The following KCNJ15 variants were observed in gnomAD, a reference collection of about 807,000 sequenced individuals.
KCNJ15 encodes ATP-sensitive inward rectifier potassium channel 15.
Under a neutral mutation model 23.0 loss-of-function variants are expected in KCNJ15, and 14 were observed. The ratio of observed to expected loss-of-function variants is 0.61; its 90% confidence interval spans 0.40 to 0.95. KCNJ15 has a LOEUF of 0.95. KCNJ15 is among the 40% of genes least tolerant of loss of function. KCNJ15 has a pLI of 0.00. For missense variants in KCNJ15, 388 were observed against 461.8 expected (o/e 0.84, Z 1.46); for synonymous variants, 185 against 183.2 (o/e 1.01, Z -0.08).
upstream of KCNJ15, among the ~76,000 whole-genome samples, chr21:38,256,008 G>C (rs566811084): frequency 6.6e-6 from 1 of 152,190 alleles, no homozygotes; most frequent in African/African-American, 2.4e-5. Context: ...TCTCTCTAGG[G>C]GAAGTGCTTT....
intron 1 of KCNJ15, among the ~76,000 whole-genome samples, chr21:38,276,105 A>G (rs1293391149): frequency 6.6e-6 from 1 of 151,980 alleles, no homozygotes; most frequent in Non-Finnish European, 1.5e-5. Flanking sequence ...AGAAGTGTCC[A>G]TGGGATACTG....
At chr21:38,239,432 T>TG (rs1324342090) in intron 1 of KCNJ15, among the ~76,000 whole-genome samples, 1 of 152,202 alleles carries the variant, frequency 6.6e-6, no homozygotes, top group Non-Finnish European at 1.5e-5. Context: ...TCTGAGCACA[T>TG]GCGTTCTGCG....
intron 1 of KCNJ15, among the ~76,000 whole-genome samples, chr21:38,257,683 G>A (rs1980407279): frequency 6.6e-6 from 1 of 152,244 alleles, no homozygotes; most frequent in South Asian, 2.1e-4. Flanking sequence ...TAAGTTTTCT[G>A]TGGTAGGTGT....
At chr21:38,261,546 G>T (rs1980899047) in intron 1 of KCNJ15, among the ~76,000 whole-genome samples, 1 of 152,186 alleles carries the variant, frequency 6.6e-6, no homozygotes, top group Admixed American at 6.5e-5. Flanking sequence ...CATATCTAGT[G>T]ATCAGTGATA....
chr21:38,267,991 G>C (rs922809348), intron 1 of KCNJ15, among the ~76,000 whole-genome samples: 2 of 152,124 alleles, frequency 1.3e-5, no homozygotes, highest in Non-Finnish European at 2.9e-5. Context: ...CAGCAACTCA[G>C]GCGCCTTCTG....
At chr21:38,272,908 G>A (rs879814096) in intron 1 of KCNJ15, among the ~76,000 whole-genome samples, 1 of 152,134 alleles carries the variant, frequency 6.6e-6, no homozygotes, top group Non-Finnish European at 1.5e-5. Context: ...CATAAACAGA[G>A]GCTTTGGGTA....
chr21:38,285,468 C>T (rs1283883215), intron 1 of KCNJ15: 1 of 152,200 alleles, frequency 6.6e-6, no homozygotes, highest in Non-Finnish European at 1.5e-5. Context: ...CAAAGTCACA[C>T]AGCTGGTGTT....
intron 1 of KCNJ15, among the ~76,000 whole-genome samples, chr21:38,230,332 G>A (rs951133999): frequency 5.9e-5 from 9 of 152,012 alleles, no homozygotes; most frequent in African/African-American, 1.7e-4. Flanking sequence ...TCTTCTTTGG[G>A]TAAATGTCTA....
rs1331179670 is a variant in KCNJ15, at chr21:38,306,066, T to C, written c.*5677T>C. On this transcript the variant is annotated 3_prime_UTR_variant, in exon 3 of 3. Transcript: ENST00000398938. ...GATGGGCTCAAAGTCGCCCTCCACG[T>C]GGGTGCACAGGAGCCCAGATTCTCA... 2 of 152,186 alleles carry C rather than the reference T, an allele frequency of 1.3e-5. No individual in the cohort carries two copies. Among genetic ancestry groups the C allele is most frequent in the Non-Finnish European group, 2.9e-5 (2 of 68,042 alleles). The allele number at this position is 152,186 out of a possible 1,614,324, so 9.4% of individuals were successfully genotyped here.
intron 1 of KCNJ15, among the ~76,000 whole-genome samples, chr21:38,249,709 T>C (rs1979695820): frequency 6.6e-6 from 1 of 152,218 alleles, no homozygotes; most frequent in Non-Finnish European, 1.5e-5. Flanking sequence ...TCTCTAGCTT[T>C]TATTCTTCAG....
At chr21:38,264,718 C>T (rs1014390954) in intron 1 of KCNJ15, among the ~76,000 whole-genome samples, 12 of 152,198 alleles carry the variant, frequency 7.9e-5, no homozygotes, top group African/African-American at 2.9e-4. Flanking sequence ...GTGTTCTCTC[C>T]CTTGGTGAAT....
chr21:38,299,130 T>G lies in KCNJ15; in HGVS notation c.-18-114T>G. On this transcript the variant is annotated intron_variant, in intron 2 of 2. Coordinates refer to ENST00000398938, the MANE Select transcript of KCNJ15 (RefSeq NM_170736.3). This position sits in a 1 kb window ranked among gnomAD's most constrained non-coding sequence, Gnocchi z 4.5. ...GATCAGTTAATCTTGCCTTCAGAAT[T>G]CTCCTTTCTTGTGTACTTCCATGTA... 1.2e-6 allele frequency: 1 copy of G among 828,268 alleles called. No homozygotes were observed. Among genetic ancestry groups the G allele is most frequent in the Non-Finnish European group, 1.9e-6 (1 of 524,180 alleles). The allele number at this position is 828,268 out of a possible 1,614,324, so 51.3% of individuals were successfully genotyped here.
chr21:38,281,682 C>G (rs1022874934), intron 1 of KCNJ15, among the ~76,000 whole-genome samples: 1 of 152,142 alleles, frequency 6.6e-6, no homozygotes, highest in Non-Finnish European at 1.5e-5. Flanking sequence ...TTATGGGCAC[C>G]TGGCTTGATG....
At chr21:38,282,484 G>T (rs1983459265) in intron 1 of KCNJ15, among the ~76,000 whole-genome samples, 1 of 152,152 alleles carries the variant, frequency 6.6e-6, no homozygotes, top group African/African-American at 2.4e-5. Context: ...GAACATTGTG[G>T]CATATTCTTT....
At chr21:38,290,223 G>A (rs558581186) in intron 1 of KCNJ15, among the ~76,000 whole-genome samples, 3 of 152,200 alleles carry the variant, frequency 2.0e-5, no homozygotes, top group Non-Finnish European at 2.9e-5. Context: ...TGTTGGGCCC[G>A]GAATCTGTTT....
chr21:38,294,966 A>T (rs1984992424), intron 1 of KCNJ15, among the ~76,000 whole-genome samples: 1 of 152,226 alleles, frequency 6.6e-6, no homozygotes, highest in African/African-American at 2.4e-5. Context: ...AACTGAAACG[A>T]TATAACAAAA....
chr21:38,276,881 A>G (rs1408888528), intron 1 of KCNJ15, among the ~76,000 whole-genome samples: 2 of 152,116 alleles, frequency 1.3e-5, no homozygotes, highest in Non-Finnish European at 2.9e-5. Flanking sequence ...TGCATTCTAG[A>G]TTTATCAACT....
rs1400057010 is a variant in KCNJ15 at position 38,245,353 on chromosome 21, T to C, written c.-398-11693T>C. Among the ~76,000 whole-genome samples the C allele has an allele frequency of 4.4e-5, 6 of 137,744 alleles. No individual in the cohort carries two copies. In the South Asian group the frequency reaches 7.0e-4, roughly 16 times the overall value. The allele number at this position is 137,744 out of a possible 152,430, so 90.4% of individuals were successfully genotyped here. The stretch of plus-strand genomic sequence containing the variant: ...ATCTCTTGGACATTAAAAAAAAAAA[T>C]GAGTGATTCTTTCTGGGTGATTCTA... On this transcript the variant is annotated intron_variant, in intron 1 of 4. Coordinates refer to the KCNJ15 transcript ENST00000547341.
At chr21:38,288,331 G>A (rs938612578) in intron 1 of KCNJ15, among the ~76,000 whole-genome samples, 5 of 151,938 alleles carry the variant, frequency 3.3e-5, no homozygotes, top group African/African-American at 7.3e-5. Flanking sequence ...ATGAGCCACC[G>A]CGCCCAGCCA....
Sources: gnomAD v4.1 joint callset for allele counts (sites outside exome capture counted in the v4.1 genomes callset) on GRCh38, gnomAD v4.1.1 for gene constraint, Gnocchi (gnomAD v3.1) non-coding constraint, MANE v1.5 for transcripts, NCBI Gene and HGNC (gene_info 2026-07-23, HGNC 2026-07-21) for gene names.